CHSY3: variants seen among roughly 807,000 people sequenced by gnomAD.
The protein encoded by CHSY3 is chondroitin sulfate synthase 3.
Under a neutral mutation model 67.2 loss-of-function variants are expected in CHSY3, and 35 were observed. The observed-to-expected ratio is 0.52, with a 90% CI of 0.40 to 0.69. CHSY3 has a LOEUF of 0.69. Ranked by LOEUF, CHSY3 falls within the 30% of genes least tolerant of loss-of-function variation. The pLI is 0.00. For synonymous variants in CHSY3, 474 were observed against 434.7 expected, an observed-to-expected ratio of 1.09 and a Z score of -1.12; for missense variants, 1,069 against 1,138.5, an observed-to-expected ratio of 0.94 and a Z score of 0.88.
At chr5:130,038,286 A>C (rs537829119) in intron 2 of CHSY3, among the ~76,000 whole-genome samples, 8 of 152,030 alleles carry the variant, frequency 5.3e-5, no homozygotes, top group Non-Finnish European at 1.2e-4. Flanking sequence ...GTACCTCTTT[A>C]TGTTTCTCTA....
chr5:130,076,629 T>A (rs949696019), intron 2 of CHSY3, among the ~76,000 whole-genome samples: 3 of 151,844 alleles, frequency 2.0e-5, no homozygotes, highest in African/African-American at 7.3e-5. Flanking sequence ...AGAAAAAAAA[T>A]ATGTTAAGAT....
intron 2 of CHSY3, among the ~76,000 whole-genome samples, chr5:130,097,633 G>A (rs532061157): frequency 2.0e-5 from 3 of 152,154 alleles, no homozygotes; most frequent in Non-Finnish European, 1.5e-5. Context: ...GTGTAACTAC[G>A]TGTTAAGATG....
In CHSY3 at chr5:130,185,272, T is replaced by A. The variant is rs530271063; in HGVS notation, c.2130T>A (p.Asn710Lys). 4.6e-5 allele frequency: 74 copies of A among 1,609,862 alleles called. 1 individual carries two copies. In the South Asian group the frequency reaches 8.1e-4, roughly 18 times the overall value. ...GLEMASAQFD[N>K]DTLLLFCDVD... is the part of the protein sequence containing the mutation. ...AAATGGCTTCTGCCCAGTTTGACAA[T>A]GACACTTTGCTGCTATTTTGTGATG... The change falls in exon 3 of 3, where the codon AAT becomes AAA. Residue 710 changes from asparagine to lysine, a missense_variant. Transcript: ENST00000305031.
chr5:130,145,659 A>G (rs1049823226), intron 2 of CHSY3, among the ~76,000 whole-genome samples: 1 of 152,196 alleles, frequency 6.6e-6, no homozygotes, highest in African/African-American at 2.4e-5. Context: ...GAGTAAGGAG[A>G]CAATGTAGAC....
intron 2 of CHSY3, among the ~76,000 whole-genome samples, chr5:129,989,229 G>T (rs1763288381): frequency 6.6e-6 from 1 of 151,002 alleles, no homozygotes. Context: ...AGGCAAAAAG[G>T]ATGAGAGAAA....
At chr5:130,023,501 C>T (rs1265725230) in intron 2 of CHSY3, among the ~76,000 whole-genome samples, 6 of 151,960 alleles carry the variant, frequency 3.9e-5, no homozygotes, top group East Asian at 1.9e-4. Flanking sequence ...AAAGAAATTT[C>T]ATAAATGTTT....
chr5:130,122,867 A>G (rs889336302), intron 2 of CHSY3, among the ~76,000 whole-genome samples: 1 of 152,188 alleles, frequency 6.6e-6, no homozygotes, highest in African/African-American at 2.4e-5. Flanking sequence ...TGAGAAAATG[A>G]CTAAAATAGG....
At chr5:130,025,266 G>A (rs1328050841) in intron 2 of CHSY3, among the ~76,000 whole-genome samples, 4 of 152,110 alleles carry the variant, frequency 2.6e-5, no homozygotes, top group African/African-American at 9.7e-5. Flanking sequence ...TTAACCTTTA[G>A]GTTGAGACCT....
intron 2 of CHSY3, among the ~76,000 whole-genome samples, chr5:130,177,266 A>G (rs763701538): frequency 4.0e-4 from 61 of 151,380 alleles, no homozygotes; most frequent in Non-Finnish European, 8.4e-4. Flanking sequence ...ATTCTTCACT[A>G]ACTGCTTCTC....
At chr5:129,994,250 T>C (rs879784245) in intron 2 of CHSY3, among the ~76,000 whole-genome samples, 1 of 152,156 alleles carries the variant, frequency 6.6e-6, no homozygotes, top group Non-Finnish European at 1.5e-5. Context: ...TGAATTTGAA[T>C]GTTGACCTGC....
At chr5:130,049,523 C>T (rs1765263871) in intron 2 of CHSY3, among the ~76,000 whole-genome samples, 1 of 151,930 alleles carries the variant, frequency 6.6e-6, no homozygotes, top group Admixed American at 6.6e-5. Context: ...AATTAGGGAC[C>T]CTAACTAGAA....
chr5:130,171,893 C>A (rs1396657925), intron 2 of CHSY3, among the ~76,000 whole-genome samples: 1 of 152,140 alleles, frequency 6.6e-6, no homozygotes, highest in Non-Finnish European at 1.5e-5. Context: ...CTTTGTGGTG[C>A]AAGTGACAGA....
intron 2 of CHSY3, among the ~76,000 whole-genome samples, chr5:129,960,195 G>T (rs556261639): frequency 6.6e-5 from 10 of 152,030 alleles, no homozygotes; most frequent in African/African-American, 2.4e-4. Context: ...CTCCCTGTTT[G>T]ACGTTGTCCA....
chr5:130,132,825 T>C, intron 2 of CHSY3, among the ~76,000 whole-genome samples: 1 of 152,104 alleles, frequency 6.6e-6, no homozygotes, highest in East Asian at 1.9e-4. Context: ...CCAGGATGTT[T>C]CTCTTCACAC....
intron 2 of CHSY3, among the ~76,000 whole-genome samples, chr5:129,941,992 C>A (rs141114406): frequency 6.6e-6 from 1 of 152,214 alleles, no homozygotes; most frequent in African/African-American, 2.4e-5. Context: ...TAAAGAGATG[C>A]GTAGGACAAG....
intron 2 of CHSY3, among the ~76,000 whole-genome samples, chr5:130,142,670 A>C (rs968303073): frequency 6.6e-6 from 1 of 152,226 alleles, no homozygotes; most frequent in Non-Finnish European, 1.5e-5. Flanking sequence ...TTTCTAAGCA[A>C]AAATTATCCA....
At chr5:129,971,097 A>G (rs1762629113) in intron 2 of CHSY3, among the ~76,000 whole-genome samples, 1 of 151,862 alleles carries the variant, frequency 6.6e-6, no homozygotes, top group Admixed American at 6.6e-5. Context: ...AATTCAAAGG[A>G]CATGTACTGA....
At chr5:130,084,599 A>T (rs529944359) in intron 2 of CHSY3, among the ~76,000 whole-genome samples, 28 of 149,608 alleles carry the variant, frequency 1.9e-4, no homozygotes, top group African/African-American at 7.0e-4. Context: ...TAATTAATTA[A>T]TTAATTTATT....
intron 2 of CHSY3, among the ~76,000 whole-genome samples, chr5:130,012,811 A>G (rs1415695769): frequency 2.0e-5 from 3 of 152,060 alleles, no homozygotes; most frequent in Non-Finnish European, 4.4e-5. Context: ...CACAAATCTC[A>G]TGTCCTCACG....
Sources: allele counts gnomAD v4.1 joint callset (sites outside exome capture counted in the v4.1 genomes callset), GRCh38; gene constraint gnomAD v4.1.1; transcripts MANE v1.5; gene names NCBI Gene and HGNC (gene_info 2026-07-23, HGNC 2026-07-21).